The following GPR176 variants were observed in gnomAD, a reference collection of about 807,000 sequenced individuals.
GPR176 encodes the protein G-protein coupled receptor 176.
GPR176 carries 26 observed loss-of-function variants against 35.4 expected under a neutral mutation model. The ratio of observed to expected loss-of-function variants is 0.74; its 90% CI spans 0.54 to 1.02. The LOEUF is 1.02. Ranked by LOEUF, GPR176 falls within the 50% of genes least tolerant of loss-of-function variation. The pLI is 0.00. For missense variants in GPR176, 597 were observed against 665.3 expected (o/e 0.90, Z 1.13); for synonymous variants, 278 against 271.3 (o/e 1.02, Z -0.24).
At chr15:39,842,957 TCCCCA>T (rs2030131464) in intron 1 of GPR176, among the ~76,000 whole-genome samples, 2 of 151,682 alleles carry the variant, frequency 1.3e-5, no homozygotes, top group Non-Finnish European at 2.9e-5. Flanking sequence ...GTGGGTTTCA[TCCCCA>T]GCTCAGCAAC....
At chr15:39,904,708 A>T (rs926883652) in intron 1 of GPR176, among the ~76,000 whole-genome samples, 2 of 152,230 alleles carry the variant, frequency 1.3e-5, no homozygotes, top group South Asian at 4.1e-4. Context: ...AAGAGGCTAC[A>T]GTGGGCAGCC....
At chr15:39,804,000 T>A (rs1220044675) in intron 2 of GPR176, among the ~76,000 whole-genome samples, 1 of 152,130 alleles carries the variant, frequency 6.6e-6, no homozygotes, top group Non-Finnish European at 1.5e-5. Context: ...TTTTTTTTTC[T>A]CTGAATGTAG....
At chr15:39,863,700 C>T (rs376415412) in intron 1 of GPR176, among the ~76,000 whole-genome samples, 1 of 152,162 alleles carries the variant, frequency 6.6e-6, no homozygotes, top group Admixed American at 6.5e-5. Context: ...ATGTTAAGTA[C>T]TCTATACAAG....
At chr15:39,860,762 G>T in intron 1 of GPR176, 1 of 152,176 alleles carries the variant, frequency 6.6e-6, no homozygotes, top group East Asian at 1.9e-4. Flanking sequence ...GATTGACTTT[G>T]CTCTTCTGTG....
In GPR176 at chr15:39,801,822, G is replaced by T. The variant is rs1347760605; in HGVS notation, c.858C>A (p.Val286=). The change falls in exon 3 of 3, where the codon GTC becomes GTA. Residue 286 remains valine, a synonymous_variant. Coordinates refer to ENST00000561100, the MANE Select transcript of GPR176 (RefSeq NM_007223.3). ...GGACATTGAGCACAGTCTGGTAGAC[G>T]ACCAGGGTGGCATAGGGCACGCTAC... ...ILCSVPYATL[V]VYQTVLNVPD... 1.2e-6 allele frequency: 2 copies of T among 1,613,586 alleles called. No homozygotes were observed. The highest frequency in any genetic ancestry group is 4.5e-5 in the East Asian group (2 of 44,888).
intron 1 of GPR176, among the ~76,000 whole-genome samples, chr15:39,849,345 G>A (rs1294934322): frequency 6.6e-6 from 1 of 152,028 alleles, no homozygotes; most frequent in Non-Finnish European, 1.5e-5. Flanking sequence ...TGTTACTGGA[G>A]AATTCTACTA....
In GPR176 at chr15:39,801,281, C is replaced by A; in HGVS notation, c.1399G>T (p.Glu467Ter). The change falls in exon 3 of 3, where the codon GAG (glutamate) becomes TAG (stop). Residue 467 changes from glutamate (E) to a stop codon, truncating the protein, a stop_gained. Coordinates refer to ENST00000561100, the MANE Select transcript of GPR176 (RefSeq NM_007223.3). LOFTEE classifies it high-confidence loss of function. ...PFELPPQWLSETRNSKKRLLP... is the reference protein window; with the variant it reads ...PFELPPQWLS ...AGCCGCTTCTTGCTGTTTCGGGTCT[C>A]TGAGAGCCACTGAGGAGGCAACTCA... 4 of 1,614,176 alleles carry A rather than the reference C, an allele frequency of 2.5e-6. No individual in the cohort carries two copies. The South Asian group carries it at 4.4e-5, about 18-fold the overall frequency.
chr15:39,900,739 G>A (rs1296525796), intron 1 of GPR176, among the ~76,000 whole-genome samples: 1 of 152,174 alleles, frequency 6.6e-6, no homozygotes, highest in East Asian at 1.9e-4. Context: ...TGGCTGAAGG[G>A]GAGAGGAGCC....
chr15:39,800,863 T>G lies in GPR176; in HGVS notation c.*269A>C. On this transcript the variant is annotated 3_prime_UTR_variant, in exon 3 of 3. Transcript: ENST00000561100. ...ATGGGGTACCCACCTCAAGACCCATTCAAAACTGCCCAGCTCTTGTCCCCA... is the reference window on the plus strand; with the variant it reads ...ATGGGGTACCCACCTCAAGACCCATGCAAAACTGCCCAGCTCTTGTCCCCA... The G allele has an allele frequency of 2.6e-6, 1 of 380,912 alleles. No individual in the cohort carries two copies. Among genetic ancestry groups the G allele is most frequent in the Non-Finnish European group, 4.8e-6 (1 of 206,204 alleles). 23.6% of individuals were successfully genotyped at this position (380,912 alleles called of 1,614,324 possible).
chr15:39,806,730 T>C (rs1445963970), intron 2 of GPR176, among the ~76,000 whole-genome samples: 1 of 152,206 alleles, frequency 6.6e-6, no homozygotes, highest in African/African-American at 2.4e-5. Context: ...GCAACCAAGC[T>C]GAACTGACAC....
intron 1 of GPR176, among the ~76,000 whole-genome samples, chr15:39,919,003 ATG>A (rs1346562499): frequency 6.6e-6 from 1 of 152,250 alleles, no homozygotes; most frequent in Non-Finnish European, 1.5e-5. Context: ...TCCAAGTGGT[ATG>A]CAGTATGTTC....
intron 1 of GPR176, among the ~76,000 whole-genome samples, chr15:39,863,807 C>T (rs374235593): frequency 2.6e-5 from 4 of 152,286 alleles, no homozygotes; most frequent in Admixed American, 2.6e-4. Context: ...AGCCTAGGTA[C>T]GTAGCAGGCT....
At chr15:39,830,340 A>G (rs1900984993) in intron 1 of GPR176, among the ~76,000 whole-genome samples, 1 of 152,250 alleles carries the variant, frequency 6.6e-6, no homozygotes, top group Admixed American at 6.5e-5. Context: ...AACGAGTTTG[A>G]CATATAGATA....
At chr15:39,868,509 T>C (rs940832530) in intron 1 of GPR176, among the ~76,000 whole-genome samples, 10 of 152,196 alleles carry the variant, frequency 6.6e-5, no homozygotes, top group African/African-American at 2.4e-4. Context: ...ACATCTTCCC[T>C]GGAACTGGCA....
intron 1 of GPR176, among the ~76,000 whole-genome samples, chr15:39,910,310 G>A (rs1308143641): frequency 4.6e-5 from 7 of 152,288 alleles, no homozygotes; most frequent in African/African-American, 7.2e-5. Flanking sequence ...AACTTCAGCC[G>A]GGCATGGTGG....
Position 39,801,511 on chromosome 15 carries a change from C to T in GPR176, c.1169G>A (p.Ser390Asn). The T allele has an allele frequency of 4.3e-6, 7 of 1,614,220 alleles. No homozygotes were observed. Among genetic ancestry groups the T allele is most frequent in the Non-Finnish European group, 5.9e-6 (7 of 1,180,020 alleles). The change falls in exon 3 of 3, where the codon AGT (serine) becomes AAT (asparagine). Residue 390 changes from serine to asparagine, a missense_variant. Physicochemically the swap from Ser to Asn is conservative, Grantham distance 46 (BLOSUM62 1). Around this residue, in one of 3 missense-constraint regions of GPR176, gnomAD observed 251 missense variants for 255.4 expected, o/e 0.98. Coordinates refer to ENST00000561100, the MANE Select transcript of GPR176 (RefSeq NM_007223.3). ...IFKPTEDEEESEAKYIGSADF... is the reference protein window; with the variant it reads ...IFKPTEDEEENEAKYIGSADF... ...AGCTGAGCCAATGTACTTGGCCTCACTCTCTTCCTCATCCTCTGTGGGCTT... is the reference window on the plus strand; with the variant it reads ...AGCTGAGCCAATGTACTTGGCCTCATTCTCTTCCTCATCCTCTGTGGGCTT...
At chr15:39,919,067 G>C (rs1477161018) in intron 1 of GPR176, among the ~76,000 whole-genome samples, 1 of 152,130 alleles carries the variant, frequency 6.6e-6, no homozygotes, top group African/African-American at 2.4e-5. Flanking sequence ...CGTTTGAAGA[G>C]GAGCGATAAA....
At chr15:39,816,405 T>C (rs1899909867) in intron 1 of GPR176, among the ~76,000 whole-genome samples, 3 of 152,178 alleles carry the variant, frequency 2.0e-5, no homozygotes, top group Admixed American at 2.0e-4. Flanking sequence ...TTTTTGTCAA[T>C]GAAAAATATT....
In GPR176 at chr15:39,800,990, A is replaced by C. The variant is rs1337536864; in HGVS notation, c.*142T>G. The C allele has an allele frequency of 1.4e-6, 1 of 701,542 alleles. No homozygotes were observed. The highest frequency in any genetic ancestry group is 1.8e-5 in the African/African-American group (1 of 56,512). The allele number at this position is 701,542 out of a possible 1,614,324, so 43.5% of individuals were successfully genotyped here. On this transcript the variant is annotated 3_prime_UTR_variant, in exon 3 of 3. Coordinates refer to ENST00000561100, the MANE Select transcript of GPR176 (RefSeq NM_007223.3). ...TGGATTTTATGTAGATTTCCCTATC[A>C]TTCAAAAGCATCTGGCCCATATTGG...
Sources: allele counts gnomAD v4.1 joint callset (sites outside exome capture counted in the v4.1 genomes callset), GRCh38; gene constraint gnomAD v4.1.1; regional missense constraint gnomAD v4.1.1; transcripts MANE v1.5; gene names NCBI Gene and HGNC (gene_info 2026-07-23, HGNC 2026-07-21).